Variants in SEM1 observed in about 807,000 individuals in gnomAD.
The protein encoded by SEM1 is 26S proteasome complex subunit SEM1.
In SEM1, 3 loss-of-function variants were observed where a neutral mutation model predicts 12.7. That is an observed-to-expected ratio of 0.24 (90% CI 0.11 to 0.61). The LOEUF (loss-of-function observed/expected upper bound fraction) is 0.61, where lower values mean the gene tolerates loss of function less well. Ranked by LOEUF, SEM1 falls within the 20% of genes least tolerant of loss-of-function variation. The pLI, the probability that SEM1 is intolerant of heterozygous loss-of-function variation, is 0.88. For synonymous variants in SEM1, 30 were observed against 27.8 expected (o/e 1.08, Z -0.25); for missense variants, 59 against 81.3 (o/e 0.73, Z 1.06).
intron 2 of SEM1, among the ~76,000 whole-genome samples, chr7:96,606,900 T>C (rs1433687386): frequency 6.6e-6 from 1 of 152,260 alleles, no homozygotes; most frequent in Admixed American, 6.5e-5. Context: ...TTACAGTTTA[T>C]TCTTATTGCC....
chr7:96,542,719 G>A (rs1161661770), intron 2 of SEM1, among the ~76,000 whole-genome samples: 3 of 151,808 alleles, frequency 2.0e-5, no homozygotes, highest in African/African-American at 7.3e-5. Context: ...TAATGATAAC[G>A]AGGGTGTAGG....
chr7:96,583,897 A>G (rs1806508564), intron 2 of SEM1, among the ~76,000 whole-genome samples: 1 of 151,236 alleles, frequency 6.6e-6, no homozygotes, highest in East Asian at 2.0e-4. Context: ...TGAATACAGC[A>G]CACTGATGGG....
chr7:96,557,236 A>C (rs1239821220), intron 2 of SEM1, among the ~76,000 whole-genome samples: 1 of 150,364 alleles, frequency 6.7e-6, no homozygotes, highest in Non-Finnish European at 1.5e-5. Context: ...GCTGGTGAGG[A>C]ACTGCGTTCC....
chr7:96,482,997 A>G (rs1357481672), exon 4 of SEM1: 1 of 152,176 alleles, frequency 6.6e-6, no homozygotes, highest in Admixed American at 6.6e-5. Context: ...TTTACAGCAG[A>G]AAGTTGGGAT....
chr7:96,622,527 T>C (rs1807927468), downstream of SEM1: 1 of 723,342 alleles, frequency 1.4e-6, no homozygotes, highest in Non-Finnish European at 2.5e-6. Context: ...AGCTCTCATA[T>C]GGCAAGGGGC....
At chr7:96,617,464 T>G (rs988965198) in intron 2 of SEM1, among the ~76,000 whole-genome samples, 1 of 152,198 alleles carries the variant, frequency 6.6e-6, no homozygotes, top group Non-Finnish European at 1.5e-5. Context: ...TTTCTAGATA[T>G]AATAACACAG....
chr7:96,598,141 A>T (rs1358157512), intron 2 of SEM1, among the ~76,000 whole-genome samples: 1 of 152,182 alleles, frequency 6.6e-6, no homozygotes, highest in Non-Finnish European at 1.5e-5. Context: ...GCTGAGCCAA[A>T]CTATAAATAC....
chr7:96,503,809 T>G (rs1803655688), intron 3 of SEM1, among the ~76,000 whole-genome samples: 1 of 152,116 alleles, frequency 6.6e-6, no homozygotes, highest in South Asian at 2.1e-4. Context: ...CATTAGTTGT[T>G]GGTAAAGTGC....
chr7:96,614,686 T>C (rs1482905806), intron 2 of SEM1, among the ~76,000 whole-genome samples: 1 of 152,180 alleles, frequency 6.6e-6, no homozygotes, highest in Non-Finnish European at 1.5e-5. Context: ...GTGAAAAGCT[T>C]TGGGTTCTCT....
intron 2 of SEM1, among the ~76,000 whole-genome samples, chr7:96,612,594 G>C (rs531677672): frequency 2.1e-4 from 32 of 152,226 alleles, no homozygotes; most frequent in African/African-American, 6.3e-4. Flanking sequence ...GTTGAGAGGT[G>C]GTGAGAATAT....
intron 2 of SEM1, among the ~76,000 whole-genome samples, chr7:96,552,655 G>T (rs1324248265): frequency 2.7e-5 from 4 of 149,118 alleles, no homozygotes; most frequent in Admixed American, 2.7e-4. Flanking sequence ...AAACATACGT[G>T]TGCATGTGTC....
chr7:96,601,980 C>T (rs940620), intron 2 of SEM1, among the ~76,000 whole-genome samples: 111,004 of 151,998 alleles, frequency 0.73, 42,301 homozygotes, highest in East Asian at 0.91. Flanking sequence ...AATTTCTGGC[C>T]TGAGAATGAT....
At chr7:96,664,132 G>C (rs1789097334) in intron 2 of SEM1, 1 of 152,140 alleles carries the variant, frequency 6.6e-6, no homozygotes, top group South Asian at 2.1e-4. Flanking sequence ...ATATCTGTTT[G>C]CTTTCTATTG....
intron 2 of SEM1, among the ~76,000 whole-genome samples, chr7:96,485,536 CTTTTTTT>C (rs61088450): frequency 1.0e-4 from 8 of 76,702 alleles, no homozygotes; most frequent in East Asian, 3.5e-4. Flanking sequence ...TCTCTACATT[CTTTTTTT>C]TTTTTTTTTT....
chr7:96,614,671 A>G (rs1213484530), intron 2 of SEM1, among the ~76,000 whole-genome samples: 1 of 152,200 alleles, frequency 6.6e-6, no homozygotes, highest in East Asian at 1.9e-4. Context: ...GTCTCTCACC[A>G]TGGTGTGAAA....
intron 2 of SEM1, among the ~76,000 whole-genome samples, chr7:96,624,273 A>T (rs1299541917): frequency 6.6e-6 from 1 of 152,242 alleles, no homozygotes; most frequent in East Asian, 1.9e-4. Flanking sequence ...TTAATGGTTG[A>T]TAAATCTAGG....
chr7:96,562,648 C>T (rs1448176652), intron 2 of SEM1, among the ~76,000 whole-genome samples: 1 of 152,046 alleles, frequency 6.6e-6, no homozygotes, highest in Admixed American at 6.6e-5. Context: ...ATATGAATAT[C>T]ACAGAAAGAA....
intron 2 of SEM1, among the ~76,000 whole-genome samples, chr7:96,548,594 T>C (rs1805172492): frequency 6.6e-6 from 1 of 152,176 alleles, no homozygotes; most frequent in South Asian, 2.1e-4. Flanking sequence ...TACTTATTAG[T>C]GATTGTTAAT....
At position 96,550,436 on chromosome 7, in the gene SEM1, C is replaced by A. The variant is rs73708345; in HGVS notation, c.171-43738G>T. 9.0e-3 allele frequency among the ~76,000 whole-genome samples: 1,368 copies of A among 152,188 alleles called. 26 individuals carry two copies. The highest frequency in any genetic ancestry group is 0.031 in the African/African-American group (1,298 of 41,530). On this transcript the variant is annotated intron_variant and NMD_transcript_variant, in intron 2 of 3. Transcript: ENST00000466986. ...GCATTTATTATTTTGATTGCAAAAT[C>A]GTTTATGATTCCATTCATAAAGCAT... is the stretch of plus-strand genomic sequence containing the variant.
Sources: allele counts gnomAD v4.1 joint callset (sites outside exome capture counted in the v4.1 genomes callset), GRCh38; gene constraint gnomAD v4.1.1; transcripts MANE v1.5; gene names NCBI Gene and HGNC (gene_info 2026-07-23, HGNC 2026-07-21).